Variants in SCN2A observed in about 807,000 individuals in gnomAD.
The protein encoded by SCN2A is sodium voltage-gated channel alpha subunit 2.
Under a neutral mutation model 188.7 loss-of-function variants are expected in SCN2A, and 20 were observed. The observed-to-expected ratio is 0.11, with a 90% CI of 0.07 to 0.15. The LOEUF is 0.15. Ranked by LOEUF, SCN2A falls within the 10% of genes least tolerant of loss-of-function variation. The pLI is 1.00. For missense variants in SCN2A, 1,278 were observed against 2,445.0 expected (o/e 0.52, Z 10.07); for synonymous variants, 804 against 833.1 (o/e 0.97, Z 0.60).
At position 165,356,354 on chromosome 2, in the gene SCN2A, C is replaced by T. The variant is rs117920278; in HGVS notation, c.3399+1683C>T. Reference sequence around the variant, plus strand: ...GAATAATATCTTAAAATCTTATTAACAAAATTTTGAACAAGTGTTGTTACA... The same window carrying T: ...GAATAATATCTTAAAATCTTATTAATAAAATTTTGAACAAGTGTTGTTACA... On this transcript the variant is annotated intron_variant, in intron 17 of 26. Coordinates refer to ENST00000375437, the MANE Select transcript of SCN2A (RefSeq NM_001040142.2). 3.9e-3 allele frequency among the ~76,000 whole-genome samples: 594 copies of T among 152,184 alleles called. 6 individuals carry two copies. The East Asian group carries it at 0.049, about 13-fold the overall frequency.
In SCN2A at chr2:165,390,680, A is replaced by G. The variant is rs1702092336; in HGVS notation, c.*856A>G. ...CATGCACACACAGAGATATACACAT[A>G]CCATTACATTGTCATTCACAGTCCC... On this transcript the variant is annotated 3_prime_UTR_variant, in exon 27 of 27. Transcript: ENST00000375437. The G allele has an allele frequency of 6.6e-6, 1 of 152,442 alleles. No homozygotes were observed. The highest frequency in any genetic ancestry group is 6.6e-5 in the Admixed American group (1 of 15,244). The allele number at this position is 152,442 out of a possible 1,614,324, so 9.4% of individuals were successfully genotyped here.
At chr2:165,334,305 A>G (rs1424158839) in intron 14 of SCN2A, among the ~76,000 whole-genome samples, 1 of 151,852 alleles carries the variant, frequency 6.6e-6, no homozygotes, top group East Asian at 1.9e-4. Context: ...AATGCCAGAC[A>G]AAAATAATGC....
In SCN2A at chr2:165,323,343, G is replaced by A; in HGVS notation, c.1859G>A (p.Arg620Gln). The change falls in exon 12 of 27, where the codon CGG becomes CAG. Residue 620 changes from arginine to glutamine, a missense_variant. Arg to Gln is a conservative substitution (Grantham distance 43). This residue lies in a region of SCN2A where 315 missense variants were observed against 386.6 expected (regional missense o/e 0.81). Transcript: ENST00000375437. The stretch of plus-strand genomic sequence containing the variant: ...TTCGTGCCGCACAGACATGGAGAAC[G>A]GCGCCACAGCAATGTCAGCCAGGCC... Reference protein sequence around the residue: ...SLFVPHRHGERRHSNVSQASR... With the variant: ...SLFVPHRHGEQRHSNVSQASR... 6.2e-7 allele frequency: 1 copy of A among 1,614,150 alleles called. No homozygotes were observed. Among genetic ancestry groups the A allele is most frequent in the Non-Finnish European group, 8.5e-7 (1 of 1,180,024 alleles).
chr2:165,293,446 A>G (rs1038466141), intron 1 of SCN2A, among the ~76,000 whole-genome samples: 1 of 152,176 alleles, frequency 6.6e-6, no homozygotes, highest in Non-Finnish European at 1.5e-5. Flanking sequence ...GGTATAGCCT[A>G]TTGTTCCTAG....
At chr2:165,342,579 C>A in intron 15 of SCN2A, 110 bp downstream of exon 15, 1 of 1,184,288 alleles carries the variant, frequency 8.4e-7, no homozygotes, top group Non-Finnish European at 1.3e-6. Flanking sequence ...TTTGAATACA[C>A]TTCTAAAACA....
At chr2:165,286,212 G>T (rs1413517749) in intron 1 of SCN2A, among the ~76,000 whole-genome samples, 2 of 151,988 alleles carry the variant, frequency 1.3e-5, no homozygotes, top group African/African-American at 4.8e-5. Flanking sequence ...TCCTTTTTTG[G>T]TGAGTTTGAG....
At chr2:165,352,644 T>C (rs951907685) in intron 16 of SCN2A, among the ~76,000 whole-genome samples, 4 of 152,174 alleles carry the variant, frequency 2.6e-5, no homozygotes, top group Admixed American at 2.6e-4. Flanking sequence ...ACATCTGGCC[T>C]CCTGTAATGA....
intron 5 of SCN2A, 66 bp from the exon 6 acceptor site, chr2:165,309,286 C>G: frequency 6.2e-7 from 1 of 1,613,146 alleles, no homozygotes; most frequent in Non-Finnish European, 8.5e-7. Context: ...AGGTGGTAGG[C>G]CCCTTATATC....
At chr2:165,386,627 A>G (rs1574746171) in intron 25 of SCN2A, 119 bp from the exon 26 acceptor site, 2 of 1,001,944 alleles carry the variant, frequency 2.0e-6, no homozygotes, top group South Asian at 1.7e-5. Flanking sequence ...AAATGTTGTG[A>G]GGATTAAAGA....
chr2:165,310,621 A>C, intron 7 of SCN2A, 26 bp downstream of exon 7: 1 of 1,532,984 alleles, frequency 6.5e-7, no homozygotes, highest in Non-Finnish European at 8.9e-7. Context: ...TAAACCATTA[A>C]GTTGTTTAGT....
chr2:165,389,547 G>T lies in SCN2A; in HGVS notation c.5741G>T (p.Arg1914Met). The stretch of plus-strand genomic sequence containing the variant: ...GAGGTGTCTGCTATTATTATCCAGA[G>T]GGCTTACAGACGCTACCTCTTGAAG... ...QEEVSAIIIQ[R>M]AYRRYLLKQK... Residue 1914 changes from arginine (R) to methionine (M), a missense_variant, in exon 27 of 27, where the codon AGG (arginine) becomes ATG (methionine). Physicochemically the swap from Arg to Met is moderately conservative, Grantham distance 91 (BLOSUM62 -1). This residue lies in a region of SCN2A where 109 missense variants were observed against 137.9 expected (regional missense o/e 0.79). Coordinates refer to ENST00000375437, the MANE Select transcript of SCN2A (RefSeq NM_001040142.2). This position sits in a 1 kb window ranked among gnomAD's most constrained non-coding sequence, Gnocchi z 4.2. 1 of 1,613,806 alleles carries T rather than the reference G, an allele frequency of 6.2e-7. No homozygotes were observed. The highest frequency in any genetic ancestry group is 8.5e-7 in the Non-Finnish European group (1 of 1,179,942).
chr2:165,335,015 G>GA, intron 14 of SCN2A, among the ~76,000 whole-genome samples: 1 of 151,378 alleles, frequency 6.6e-6, no homozygotes, highest in South Asian at 2.1e-4. Context: ...ATAACAACAT[G>GA]AAAAATAATA....
chr2:165,374,544 T>C, intron 21 of SCN2A, 141 bp from the exon 22 acceptor site: 1 of 798,514 alleles, frequency 1.3e-6, no homozygotes, highest in Admixed American at 2.3e-5. Context: ...TAGTTGGAGC[T>C]ACCAGAGTCT....
chr2:165,343,529 T>G (rs781178405), intron 15 of SCN2A, among the ~76,000 whole-genome samples: 1 of 152,220 alleles, frequency 6.6e-6, no homozygotes, highest in Non-Finnish European at 1.5e-5. Flanking sequence ...ACTTAGTGTG[T>G]CAGGCTCTTT....
intron 1 of SCN2A, among the ~76,000 whole-genome samples, chr2:165,283,370 G>T (rs1695666958): frequency 6.6e-6 from 1 of 152,180 alleles, no homozygotes; most frequent in African/African-American, 2.4e-5. Context: ...CATCATATAA[G>T]TGTAAGCTGG....
intron 1 of SCN2A, among the ~76,000 whole-genome samples, chr2:165,265,270 ATTG>A (rs1231225982): frequency 6.6e-6 from 1 of 150,994 alleles, no homozygotes; most frequent in African/African-American, 2.4e-5. Context: ...CAACATATAT[ATTG>A]TTGGCCACAT....
chr2:165,239,589 T>C lies in SCN2A; in HGVS notation c.-103T>C. The stretch of plus-strand genomic sequence containing the variant: ...AAGAATTGCATTGGAGACTGTTATA[T>C]TCAACACATACGTGGATTCTGTGTT... On this transcript the variant is annotated 5_prime_UTR_variant, in exon 1 of 27. Transcript: ENST00000375437. 1.0e-6 allele frequency: 1 copy of C among 977,092 alleles called. No individual in the cohort carries two copies. The highest frequency in any genetic ancestry group is 1.2e-6 in the Non-Finnish European group (1 of 822,336). The allele number at this position is 977,092 out of a possible 1,614,324, so 60.5% of individuals were successfully genotyped here. A position where few individuals can be genotyped will look rare whatever the true frequency, so the allele number is the denominator to read the frequency against.
In SCN2A at chr2:165,355,789, G is replaced by A. The variant is rs188801673; in HGVS notation, c.3399+1118G>A. ...AAAGATGGGTGGATCACGAGGTCAG[G>A]AGTTCGAGACCAGCGTGGCCAACAT... On this transcript the variant is annotated intron_variant, in intron 17 of 26. Coordinates refer to ENST00000375437, the MANE Select transcript of SCN2A (RefSeq NM_001040142.2). Among the ~76,000 whole-genome samples, 674 of 152,198 alleles carry A rather than the reference G, an allele frequency of 4.4e-3. 3 individuals are homozygous for A. Among genetic ancestry groups the A allele is most frequent in the African/African-American group, 0.015 (643 of 41,530 alleles).
intron 16 of SCN2A, among the ~76,000 whole-genome samples, chr2:165,351,282 T>C (rs1182205565): frequency 2.0e-5 from 3 of 152,094 alleles, no homozygotes; most frequent in Non-Finnish European, 4.4e-5. Flanking sequence ...CACGGGTAGA[T>C]TGGCTGCTTT....
Sources: allele counts gnomAD v4.1 joint callset (sites outside exome capture counted in the v4.1 genomes callset), GRCh38; gene constraint gnomAD v4.1.1; regional missense constraint gnomAD v4.1.1; non-coding constraint Gnocchi (gnomAD v3.1); transcripts MANE v1.5; gene names NCBI Gene and HGNC (gene_info 2026-07-23, HGNC 2026-07-21).